BNIP1: variants seen among roughly 807,000 people sequenced by gnomAD.
BNIP1 encodes BCL2 interacting protein 1.
A neutral mutation model predicts 28.5 loss-of-function variants in BNIP1; 25 were observed. The observed-to-expected ratio is 0.88, with a 90% CI of 0.64 to 1.23. The LOEUF is 1.23. BNIP1 is among the 50% of genes most tolerant of loss of function. The probability of loss-of-function intolerance (pLI) is 0.00; values close to 1 mark genes in which losing one functional copy is unlikely to be tolerated. For synonymous variants in BNIP1, 118 were observed against 101.7 expected, an observed-to-expected ratio of 1.16 and a Z score of -0.96; for missense variants, 276 against 277.0, an observed-to-expected ratio of 1.00 and a Z score of 0.02.
Position 173,164,001 on chromosome 5 carries a change from C to A in BNIP1, c.*80C>A. ...GGTTCCTGAGCTCTAGGCTGCTAAG[C>A]TGAGCCACACACCCCTCCGTTTGCA... On this transcript the variant is annotated 3_prime_UTR_variant, in exon 6 of 6. Transcript: ENST00000351486. This position sits in a 1 kb window ranked among gnomAD's most constrained non-coding sequence, Gnocchi z 4.0. 1.5e-6 allele frequency: 2 copies of A among 1,373,730 alleles called. No individual in the cohort carries two copies. The highest frequency in any genetic ancestry group is 2.0e-6 in the Non-Finnish European group (2 of 1,022,798). 85.1% of individuals were successfully genotyped at this position (1,373,730 alleles called of 1,614,324 possible).
rs554204258 is a variant in BNIP1, at chr5:173,151,348, A to G, written c.178-2974A>G. On this transcript the variant is annotated intron_variant, in intron 2 of 5. Transcript: ENST00000351486. ...ATTTTCCTCCTGCCTCAGTCCCCCA[A>G]ATAGTTGGGACTACAGGCGTGCGCC... Among the ~76,000 whole-genome samples, 6 of 152,002 alleles carry G rather than the reference A, an allele frequency of 3.9e-5. No individual in the cohort carries two copies. The East Asian group carries it at 5.8e-4, about 15-fold the overall frequency.
At chr5:173,161,031 C>T (rs993869236) in intron 5 of BNIP1, 3 of 352,870 alleles carry the variant, frequency 8.5e-6, no homozygotes, top group Non-Finnish European at 1.7e-5. Flanking sequence ...AAGGAGAAAG[C>T]ATGGTATCCT....
At chr5:173,148,832 G>C (rs1002504734) in intron 2 of BNIP1, among the ~76,000 whole-genome samples, 1 of 152,078 alleles carries the variant, frequency 6.6e-6, no homozygotes, top group African/African-American at 2.4e-5. Context: ...GTCACTCCAA[G>C]GGTTGATTAC....
chr5:173,159,993 G>T lies in BNIP1; in HGVS notation c.432G>T (p.Gly144=), dbSNP rs930100640. The change falls in exon 5 of 6, where the codon GGG becomes GGT. Residue 144 remains glycine (G), a synonymous_variant. Transcript: ENST00000351486. ...GTACCATCACTGAGAGCCTCATGGG[G>T]ATCAGCAGGATGATGGCCCAGCAGG... ...TSSTITESLM[G]ISRMMAQQVQ... is the part of the protein sequence containing the mutation. 8 of 1,614,138 alleles carry T rather than the reference G, an allele frequency of 5.0e-6. No individual in the cohort carries two copies. The highest frequency in any genetic ancestry group is 5.1e-6 in the Non-Finnish European group (6 of 1,180,014).
intron 4 of BNIP1, 149 bp downstream of exon 4, chr5:173,158,994 G>A (rs1191485667): frequency 1.8e-6 from 1 of 564,430 alleles, no homozygotes; most frequent in Non-Finnish European, 3.1e-6. Context: ...CTTATTTGTA[G>A]TAAATTGGTA....
intron 3 of BNIP1, among the ~76,000 whole-genome samples, chr5:173,156,601 G>C (rs1018558617): frequency 2.3e-5 from 2 of 87,562 alleles, no homozygotes; most frequent in African/African-American, 8.2e-5. Context: ...GTGATCATGT[G>C]ACTGCACCTG....
chr5:173,163,218 A>G (rs1342854488), intron 5 of BNIP1, among the ~76,000 whole-genome samples: 1 of 152,162 alleles, frequency 6.6e-6, no homozygotes, highest in African/African-American at 2.4e-5. Flanking sequence ...AGGGACTGGT[A>G]TGTGTGAGGG....
Position 173,144,553 on chromosome 5 carries a change from C to A in BNIP1, c.8C>A (p.Ala3Asp). 1 of 1,614,094 alleles carries A rather than the reference C, an allele frequency of 6.2e-7. No homozygotes were observed. Among genetic ancestry groups the A allele is most frequent in the African/African-American group, 1.3e-5 (1 of 75,060 alleles). MA[A>D]PQDVHVRICN... is the part of the protein sequence containing the mutation. Reference sequence around the variant, plus strand: ...GTAGCCGGCGTCCCCAACATGGCGGCTCCCCAAGACGTCCACGTCCGGATC... The same window carrying A: ...GTAGCCGGCGTCCCCAACATGGCGGATCCCCAAGACGTCCACGTCCGGATC... Residue 3 changes from alanine to aspartate, a missense_variant, in exon 1 of 6, where the codon GCT (alanine) becomes GAT (aspartate). Ala to Asp is a moderately radical substitution (Grantham distance 126, BLOSUM62 -2). Coordinates refer to ENST00000351486, the MANE Select transcript of BNIP1 (RefSeq NM_001205.3).
chr5:173,154,345 G>A lies in BNIP1; in HGVS notation c.201G>A (p.Glu67=), dbSNP rs147710868. The A allele has an allele frequency of 2.5e-4, 398 of 1,613,900 alleles. No individual in the cohort carries two copies. Among genetic ancestry groups the A allele is most frequent in the Admixed American group, 6.0e-4 (36 of 59,992 alleles). The change falls in exon 3 of 6, where the codon GAG becomes GAA. Residue 67 remains glutamate, a synonymous_variant. Coordinates refer to ENST00000351486, the MANE Select transcript of BNIP1 (RefSeq NM_001205.3). Reference sequence around the variant, plus strand: ...AGGACCTGGAGCAGTTGGCTAAAGAGCAAGACAAAGAATCAGAGAAACAAC... The same window carrying A: ...AGGACCTGGAGCAGTTGGCTAAAGAACAAGACAAAGAATCAGAGAAACAAC... ...RIQDLEQLAK[E]QDKESEKQLL... is the part of the protein sequence containing the mutation.
chr5:173,164,030 G>C lies in BNIP1; in HGVS notation c.*109G>C, dbSNP rs904141085. On this transcript the variant is annotated 3_prime_UTR_variant, in exon 6 of 6. Transcript: ENST00000351486. This position sits in a 1 kb window ranked among gnomAD's most constrained non-coding sequence, Gnocchi z 4.0. Reference sequence around the variant, plus strand: ...GCCACACACCCCTCCGTTTGCACCAGTTGCCTGCAGGTTGGATGGAACACA... The same window carrying C: ...GCCACACACCCCTCCGTTTGCACCACTTGCCTGCAGGTTGGATGGAACACA... The C allele has an allele frequency of 2.6e-6, 3 of 1,165,282 alleles. No homozygotes were observed. In the African/African-American group the frequency reaches 4.7e-5, roughly 18 times the overall value. 72.2% of individuals were successfully genotyped at this position (1,165,282 alleles called of 1,614,324 possible).
intron 2 of BNIP1, among the ~76,000 whole-genome samples, chr5:173,149,732 C>T (rs1581070220): frequency 6.6e-6 from 1 of 152,240 alleles, no homozygotes; most frequent in East Asian, 1.9e-4. Context: ...AGGAAGCTTC[C>T]AGTCATGGCA....
At chr5:173,147,195 A>G (rs1379945045) in intron 2 of BNIP1, among the ~76,000 whole-genome samples, 1 of 152,314 alleles carries the variant, frequency 6.6e-6, no homozygotes, top group East Asian at 1.9e-4. Context: ...TCACGAGGTC[A>G]GGAGATCGAG....
chr5:173,151,691 C>T, intron 2 of BNIP1: 1 of 1,613,754 alleles, frequency 6.2e-7, no homozygotes, highest in East Asian at 2.2e-5. Context: ...CTGTTACCTT[C>T]AGTGTGAGTA....
At chr5:173,158,872 T>G in intron 4 of BNIP1, 27 bp downstream of exon 4, 1 of 1,574,010 alleles carries the variant, frequency 6.4e-7, no homozygotes, top group East Asian at 2.3e-5. Flanking sequence ...TTTTCTGGGC[T>G]CCGATAATAA....
At position 173,149,137 on chromosome 5, in the gene BNIP1, C is replaced by T. The variant is rs5745119; in HGVS notation, c.177+2179C>T. ...CAGTTTGAATAGTGGAGATGTTTCC[C>T]CTGCTGTACCTTCAGTGAGGGTGAG... On this transcript the variant is annotated intron_variant, in intron 2 of 5. Coordinates refer to ENST00000351486, the MANE Select transcript of BNIP1 (RefSeq NM_001205.3). Among the ~76,000 whole-genome samples the T allele has an allele frequency of 2.6e-5, 4 of 152,204 alleles. No individual in the cohort carries two copies. In the South Asian group the frequency reaches 8.3e-4, roughly 32 times the overall value.
chr5:173,158,988 T>G (rs1165824199), intron 4 of BNIP1, 143 bp downstream of exon 4: 9 of 586,796 alleles, frequency 1.5e-5, no homozygotes, highest in African/African-American at 1.5e-4. Context: ...TGCATACTTA[T>G]TTGTAGTAAA....
At chr5:173,153,486 CA>C (rs1265437031) in intron 2 of BNIP1, among the ~76,000 whole-genome samples, 1 of 152,148 alleles carries the variant, frequency 6.6e-6, no homozygotes, top group African/African-American at 2.4e-5. Context: ...CTCGGCCTCC[CA>C]AAGTGCTGGG....
intron 2 of BNIP1, chr5:173,151,828 A>C (rs1581072539): frequency 7.6e-7 from 1 of 1,320,384 alleles, no homozygotes; most frequent in African/African-American, 1.5e-5. Context: ...CCTAATAAGC[A>C]CATGGCCAGT....
chr5:173,144,710 C>T lies in BNIP1; in HGVS notation c.84+81C>T, dbSNP rs1484741508. On this transcript the variant is annotated intron_variant, in intron 1 of 5. Coordinates refer to ENST00000351486, the MANE Select transcript of BNIP1 (RefSeq NM_001205.3). ...GTCTGTGAGCTTGGCAGTGTCACTCCCGAACTTTCCCCACTTGGTTTCCCA... is the reference window on the plus strand; with the variant it reads ...GTCTGTGAGCTTGGCAGTGTCACTCTCGAACTTTCCCCACTTGGTTTCCCA... 3 of 1,440,098 alleles carry T rather than the reference C, an allele frequency of 2.1e-6. No individual in the cohort carries two copies. The African/African-American group carries it at 4.3e-5, about 21-fold the overall frequency. The allele number at this position is 1,440,098 out of a possible 1,614,324, so 89.2% of individuals were successfully genotyped here.
Sources: allele counts gnomAD v4.1 joint callset (sites outside exome capture counted in the v4.1 genomes callset), GRCh38; gene constraint gnomAD v4.1.1; non-coding constraint Gnocchi (gnomAD v3.1); transcripts MANE v1.5; gene names NCBI Gene and HGNC (gene_info 2026-07-23, HGNC 2026-07-21).